Variants in STIM2 observed in about 807,000 individuals in gnomAD.
STIM2 encodes stromal interaction molecule 2.
STIM2 carries 31 observed loss-of-function variants against 85.8 expected under a neutral mutation model. The ratio of observed to expected loss-of-function variants is 0.36; its 90% CI spans 0.27 to 0.49. The LOEUF (loss-of-function observed/expected upper bound fraction) is 0.49. Among genes scored for constraint, STIM2 ranks in the 20% least tolerant of loss-of-function variants. STIM2 has a pLI of 0.98. For missense variants in STIM2, 841 were observed against 927.6 expected (o/e 0.91, Z 1.21); for synonymous variants, 356 against 331.1 (o/e 1.08, Z -0.82).
intron 11 of STIM2, 100 bp from the exon 12 acceptor site, chr4:27,022,419 A>T (rs2109149671): frequency 1.0e-6 from 1 of 981,296 alleles, no homozygotes; most frequent in South Asian, 1.9e-5. Context: ...CCTCTTTTAA[A>T]TTTCAAAAAG....
intron 1 of STIM2, among the ~76,000 whole-genome samples, chr4:26,875,379 CTT>C (rs922262477): frequency 5.9e-5 from 9 of 152,158 alleles, no homozygotes; most frequent in African/African-American, 2.2e-4. Context: ...TATCTGGTAA[CTT>C]TTATAGTGTA....
intron 7 of STIM2, among the ~76,000 whole-genome samples, chr4:27,006,736 G>A (rs1728372988): frequency 1.3e-5 from 2 of 152,118 alleles, no homozygotes; most frequent in Non-Finnish European, 2.9e-5. Context: ...CCATTAAAGG[G>A]CAGGTGGAAG....
intron 2 of STIM2, among the ~76,000 whole-genome samples, chr4:26,943,407 G>A (rs1034617730): frequency 1.3e-5 from 2 of 152,074 alleles, no homozygotes; most frequent in African/African-American, 4.8e-5. Context: ...TGAGCTTCAG[G>A]CTATGTTATC....
intron 1 of STIM2, among the ~76,000 whole-genome samples, chr4:26,899,198 G>C (rs1239086067): frequency 6.6e-6 from 1 of 151,796 alleles, no homozygotes; most frequent in African/African-American, 2.4e-5. Flanking sequence ...GATTACATGA[G>C]TTTTCTACCT....
At chr4:26,965,327 G>A (rs891527349) in intron 3 of STIM2, among the ~76,000 whole-genome samples, 1 of 152,090 alleles carries the variant, frequency 6.6e-6, no homozygotes, top group Non-Finnish European at 1.5e-5. Context: ...AACATTTAAG[G>A]GAGTTTAACA....
chr4:26,931,590 T>G (rs755840607), intron 2 of STIM2, among the ~76,000 whole-genome samples: 1 of 152,166 alleles, frequency 6.6e-6, no homozygotes, highest in Non-Finnish European at 1.5e-5. Context: ...TGAGTAGAGC[T>G]TTGCAGTGAA....
intron 1 of STIM2, among the ~76,000 whole-genome samples, chr4:26,869,359 A>G (rs1722523757): frequency 1.3e-5 from 2 of 151,382 alleles, no homozygotes; most frequent in Non-Finnish European, 1.5e-5. Flanking sequence ...TCTGTTACAT[A>G]TGGGTCCTAA....
intron 1 of STIM2, among the ~76,000 whole-genome samples, chr4:26,885,989 A>G (rs1359380913): frequency 1.3e-5 from 2 of 151,592 alleles, no homozygotes; most frequent in Admixed American, 1.3e-4. Flanking sequence ...ATTTTTAGAT[A>G]CTTGAGTTTT....
At position 26,932,594 on chromosome 4, in the gene STIM2, G is replaced by A. The variant is rs909399615; in HGVS notation, c.282+12960G>A. 3.3e-5 allele frequency among the ~76,000 whole-genome samples: 5 copies of A among 152,146 alleles called. No homozygotes were observed. The East Asian group carries it at 7.7e-4, about 23-fold the overall frequency. ...ATGGTAGTATATCTTGGCTATAAAT[G>A]TCTAAATAGTACTTAATAAGCATCT... On this transcript the variant is annotated intron_variant, in intron 2 of 11. Transcript: ENST00000467087.
intron 2 of STIM2, among the ~76,000 whole-genome samples, chr4:26,944,729 A>G (rs1286445601): frequency 6.6e-6 from 1 of 152,208 alleles, no homozygotes; most frequent in Non-Finnish European, 1.5e-5. Flanking sequence ...TTGTTTGTCA[A>G]TTAACAATAA....
At chr4:26,947,491 C>T (rs992209326) in intron 2 of STIM2, among the ~76,000 whole-genome samples, 3 of 151,990 alleles carry the variant, frequency 2.0e-5, no homozygotes, top group Admixed American at 6.6e-5. Flanking sequence ...GGAAATTGGC[C>T]GGGCCAGGGC....
At chr4:26,932,445 C>T (rs1169013636) in intron 2 of STIM2, among the ~76,000 whole-genome samples, 1 of 152,112 alleles carries the variant, frequency 6.6e-6, no homozygotes, top group Non-Finnish European at 1.5e-5. Flanking sequence ...TTTAACATAA[C>T]TCGTTAGTAC....
chr4:26,989,056 T>C (rs192876695), intron 3 of STIM2, among the ~76,000 whole-genome samples: 544 of 152,278 alleles, frequency 3.6e-3, no homozygotes, highest in African/African-American at 0.012. Flanking sequence ...TGCCTCAGCC[T>C]CCGGAATAGC....
chr4:27,010,982 C>G (rs1728535814), intron 10 of STIM2, among the ~76,000 whole-genome samples: 3 of 152,130 alleles, frequency 2.0e-5, no homozygotes, highest in African/African-American at 7.2e-5. Context: ...CCTATAAAGC[C>G]ATCCACACAC....
intron 1 of STIM2, among the ~76,000 whole-genome samples, chr4:26,906,467 A>G (rs1324072529): frequency 2.9e-5 from 4 of 136,522 alleles, no homozygotes; most frequent in African/African-American, 8.3e-5. Flanking sequence ...TTGAAAAGCT[A>G]TTGCAGAGTT....
At chr4:26,898,381 C>T (rs1013182979) in intron 1 of STIM2, among the ~76,000 whole-genome samples, 11 of 152,020 alleles carry the variant, frequency 7.2e-5, no homozygotes, top group Admixed American at 5.9e-4. Context: ...GTTTGGTTTT[C>T]CCACTTTTTG....
chr4:26,898,664 AT>A (rs1191575320), intron 1 of STIM2, among the ~76,000 whole-genome samples: 2 of 152,088 alleles, frequency 1.3e-5, no homozygotes, highest in African/African-American at 4.8e-5. Context: ...AGAAATGCTC[AT>A]TTTTTTCACC....
chr4:27,011,386 GT>G (rs1560239739), intron 10 of STIM2, among the ~76,000 whole-genome samples: 1 of 152,056 alleles, frequency 6.6e-6, no homozygotes, highest in African/African-American at 2.4e-5. Context: ...TAGTTTATCC[GT>G]TTTTCTACTT....
intron 2 of STIM2, among the ~76,000 whole-genome samples, chr4:26,929,006 C>T (rs907569807): frequency 2.6e-5 from 4 of 152,240 alleles, no homozygotes; most frequent in African/African-American, 9.6e-5. Flanking sequence ...AGTGTGGTAG[C>T]CACTAGCCAT....
Sources: allele counts gnomAD v4.1 joint callset (sites outside exome capture counted in the v4.1 genomes callset), GRCh38; gene constraint gnomAD v4.1.1; transcripts MANE v1.5; gene names NCBI Gene and HGNC (gene_info 2026-07-23, HGNC 2026-07-21).